Variants in NBPF26 observed in about 807,000 individuals in gnomAD.
NBPF26 encodes NBPF family member NBPF26.
Under a neutral mutation model 119.6 loss-of-function variants are expected in NBPF26, and 79 were observed. The ratio of observed to expected loss-of-function variants is 0.66; its 90% CI spans 0.55 to 0.80. NBPF26 has a LOEUF of 0.80. Among genes scored for constraint, NBPF26 ranks in the 30% least tolerant of loss-of-function variants. The pLI is 0.00. For synonymous variants in NBPF26, 299 were observed against 457.7 expected (o/e 0.65, Z 4.43); for missense variants, 800 against 1,198.2 (o/e 0.67, Z 4.91).
chr1:120,838,533 T>C (rs1652449834), intron 27 of NBPF26, among the ~76,000 whole-genome samples: 2 of 83,420 alleles, frequency 2.4e-5, no homozygotes. Context: ...TGTGTGTGTG[T>C]GTGTGTGTGT....
chr1:120,840,823 A>G, downstream of NBPF26: 2 of 540,854 alleles, frequency 3.7e-6, 1 homozygote, highest in Non-Finnish European at 6.1e-6. Context: ...ACATGCCGGG[A>G]GTGATCAGTC....
In NBPF26 at chr1:120,724,268, G is replaced by A. The variant is rs1456236978; in HGVS notation, c.73+18G>A. On this transcript the variant is annotated intron_variant, in intron 1 of 29. Transcript: ENST00000620612. ...CGCGCATGGTGAGTATCGGGCTGAG[G>A]GGCGCTGTCCGCGGCGCCCGGGGCT... is the stretch of plus-strand genomic sequence containing the variant. 1.0e-5 allele frequency: 14 copies of A among 1,387,894 alleles called. 5 individuals are homozygous for A. In the African/African-American group the frequency reaches 3.7e-4, roughly 37 times the overall value. 86.0% of individuals were successfully genotyped at this position (1,387,894 alleles called of 1,614,324 possible).
Position 120,832,904 on chromosome 1 carries a change from AG to A in NBPF26, c.3293del (p.Arg1098LysfsTer58), listed in dbSNP as rs1234615371. 6 of 803,736 alleles carry A rather than the reference AG, an allele frequency of 7.5e-6. No homozygotes were observed. The highest frequency in any genetic ancestry group is 1.2e-5 in the Non-Finnish European group (6 of 513,156). The allele number at this position is 803,736 out of a possible 1,614,324, so 49.8% of individuals were successfully genotyped here. ...TGAAAAGAAGGGGAAGGGGAAGAAA[AG>A]AAGGGGAAGAAGATCAAAGAAGGAA... On this transcript the variant is annotated frameshift_variant, in exon 23 of 30. Coordinates refer to ENST00000620612, the Ensembl canonical transcript of NBPF26. LOFTEE classifies it high-confidence loss of function.
chr1:120,780,148 A>C (rs1197194440), intron 2 of NBPF26, among the ~76,000 whole-genome samples: 1 of 116,650 alleles, frequency 8.6e-6, no homozygotes, highest in East Asian at 2.1e-4. Context: ...TTAGGTACTC[A>C]GGTATTCAGG....
rs1206855185 is a variant in NBPF26 at position 120,804,472 on chromosome 1, G to T, written c.752-1084G>T. On this transcript the variant is annotated intron_variant, in intron 4 of 29. Transcript: ENST00000620612. The stretch of plus-strand genomic sequence containing the variant: ...AAACCATATTCCATAAGAACTGCTC[G>T]TGGCCCTGTTCTTTTCAGTATATGG... 2.4e-4 allele frequency among the ~76,000 whole-genome samples: 19 copies of T among 79,624 alleles called. 7 individuals carry two copies. Among genetic ancestry groups the T allele is most frequent in the African/African-American group, 2.0e-3 (19 of 9,636 alleles). The allele number at this position is 79,624 out of a possible 152,430, so 52.2% of individuals were successfully genotyped here. A position where few individuals can be genotyped will look rare whatever the true frequency, so the allele number is the denominator to read the frequency against.
intron 2 of NBPF26, among the ~76,000 whole-genome samples, chr1:120,770,178 GT>G (rs1174915535): frequency 3.2e-5 from 3 of 93,592 alleles, no homozygotes; most frequent in African/African-American, 6.5e-5. Flanking sequence ...TTTTGTTGTT[GT>G]TTTTTTTTGA....
chr1:120,816,861 T>G lies in NBPF26; in HGVS notation c.2371+34T>G, dbSNP rs1553271824. The G allele has an allele frequency of 2.8e-6, 4 of 1,451,000 alleles. 1 individual carries two copies. The highest frequency in any genetic ancestry group is 2.3e-5 in the East Asian group (1 of 43,864). The allele number at this position is 1,451,000 out of a possible 1,614,324, so 89.9% of individuals were successfully genotyped here. A position where few individuals can be genotyped will look rare whatever the true frequency, so the allele number is the denominator to read the frequency against. ...TGTTTTCCTTGTGTCTCATACCTCT[T>G]TCTTGGCTGAGGAAGATAAACTCTG... On this transcript the variant is annotated intron_variant, in intron 14 of 29. Coordinates refer to ENST00000620612, the Ensembl canonical transcript of NBPF26.
Position 120,783,830 on chromosome 1 carries a change from T to C in NBPF26, c.156-1144T>C, listed in dbSNP as rs1256071660. Among the ~76,000 whole-genome samples, 5 of 110,724 alleles carry C rather than the reference T, an allele frequency of 4.5e-5. 1 individual carries two copies. The highest frequency in any genetic ancestry group is 8.5e-5 in the Non-Finnish European group (5 of 58,784). The allele number at this position is 110,724 out of a possible 152,430, so 72.6% of individuals were successfully genotyped here. ...GTTTTGAGTTAGACAGAGGGAGTCA[T>C]AGAAGCCAAGGTAAAATGATTAAAA... On this transcript the variant is annotated intron_variant, in intron 2 of 29. Transcript: ENST00000620612.
At chr1:120,833,377 C>A (rs1652402592) in intron 23 of NBPF26, among the ~76,000 whole-genome samples, 1 of 73,960 alleles carries the variant, frequency 1.4e-5, no homozygotes, top group Non-Finnish European at 2.2e-5. Flanking sequence ...CTCTCTGTCT[C>A]TGTCTCTCTC....
At chr1:120,822,900 A>AC (rs1652150287) in intron 16 of NBPF26, among the ~76,000 whole-genome samples, 1 of 122,534 alleles carries the variant, frequency 8.2e-6, no homozygotes, top group Non-Finnish European at 1.6e-5. Context: ...AAGAGCTGGT[A>AC]CATTGCACCC....
At chr1:120,765,177 A>G (rs1408320149) in intron 2 of NBPF26, among the ~76,000 whole-genome samples, 1 of 121,034 alleles carries the variant, frequency 8.3e-6, no homozygotes, top group Admixed American at 7.9e-5. Context: ...AAAAAAAAAC[A>G]TGTGGTGCAT....
rs1553271037 is a variant in NBPF26, at chr1:120,811,951, G to C, written c.1630G>C (p.Glu544Gln). 1.5e-5 allele frequency: 18 copies of C among 1,225,318 alleles called. 4 individuals are homozygous for C. In the South Asian group the frequency reaches 1.9e-4, roughly 13 times the overall value. 75.9% of individuals were successfully genotyped at this position (1,225,318 alleles called of 1,614,324 possible). ...GGTATCAGCCGGCCCTTTGTCCGGC[G>C]AGAAGGCAGCGATAAACATTCTAGA... The change falls in exon 10 of 30, where the codon GAG (glutamate) becomes CAG (glutamine). Residue 544 changes from glutamate to glutamine, a missense_variant. Physicochemically the swap from Glu to Gln is conservative, Grantham distance 29. This residue lies in a region of NBPF26 where 72 missense variants were observed against 81.1 expected (regional missense o/e 0.89). Transcript: ENST00000620612.
rs1651637256 is a variant in NBPF26, at chr1:120,804,723, T to A, written c.752-833T>A. Reference sequence around the variant, plus strand: ...CCACATAGAGGAAGAGCTTTGGACGTAGGGATGTCAAACTGGTCTAGAATG... The same window carrying A: ...CCACATAGAGGAAGAGCTTTGGACGAAGGGATGTCAAACTGGTCTAGAATG... On this transcript the variant is annotated intron_variant, in intron 4 of 29. Transcript: ENST00000620612. Among the ~76,000 whole-genome samples the A allele has an allele frequency of 1.7e-5, 2 of 117,166 alleles. 1 individual carries two copies. Among genetic ancestry groups the A allele is most frequent in the Non-Finnish European group, 3.3e-5 (2 of 60,852 alleles). 76.9% of individuals were successfully genotyped at this position (117,166 alleles called of 152,430 possible).
Position 120,811,776 on chromosome 1 carries a change from C to T in NBPF26, c.1565-110C>T. On this transcript the variant is annotated intron_variant, in intron 9 of 29. Coordinates refer to ENST00000620612, the Ensembl canonical transcript of NBPF26. Reference sequence around the variant, plus strand: ...GATGACAAGAGTGAAACCAGGGAAACATCTTCAAATAAGTAAACAAGGCTA... The same window carrying T: ...GATGACAAGAGTGAAACCAGGGAAATATCTTCAAATAAGTAAACAAGGCTA... 5 of 646,646 alleles carry T rather than the reference C, an allele frequency of 7.7e-6. 1 individual carries two copies. Among genetic ancestry groups the T allele is most frequent in the Non-Finnish European group, 1.4e-5 (5 of 368,888 alleles). The allele number at this position is 646,646 out of a possible 1,614,324, so 40.1% of individuals were successfully genotyped here.
intron 5 of NBPF26, among the ~76,000 whole-genome samples, chr1:120,807,356 C>T (rs1433547189): frequency 1.6e-5 from 2 of 125,036 alleles, no homozygotes; most frequent in Non-Finnish European, 3.2e-5. Flanking sequence ...GACTCCACTT[C>T]GTTGTGGTTG....
rs1553271658 is a variant in NBPF26 at position 120,815,544 on chromosome 1, G to A, written c.2092+501G>A. ...CCAAAATGAGATGAAGTCCCTCGCC[G>A]TGTGATGTTGGAGAAGGCACTTTAT... On this transcript the variant is annotated intron_variant, in intron 12 of 29. Coordinates refer to ENST00000620612, the Ensembl canonical transcript of NBPF26. 4.0e-5 allele frequency among the ~76,000 whole-genome samples: 4 copies of A among 99,526 alleles called. 1 individual carries two copies. The highest frequency in any genetic ancestry group is 7.2e-5 in the African/African-American group (1 of 13,964). The allele number at this position is 99,526 out of a possible 152,430, so 65.3% of individuals were successfully genotyped here.
rs1239825858 is a variant in NBPF26 at position 120,801,401 on chromosome 1, G to T, written c.752-4155G>T. 3.3e-4 allele frequency among the ~76,000 whole-genome samples: 37 copies of T among 113,362 alleles called. 3 individuals carry two copies. In the South Asian group the frequency reaches 5.4e-3, roughly 16 times the overall value. The allele number at this position is 113,362 out of a possible 152,430, so 74.4% of individuals were successfully genotyped here. ...GCAGAACTTTTGGAATATGGTAAAAGACACTGAAATATATGCTTAAAAATG... is the reference window on the plus strand; with the variant it reads ...GCAGAACTTTTGGAATATGGTAAAATACACTGAAATATATGCTTAAAAATG... On this transcript the variant is annotated intron_variant, in intron 4 of 29. Coordinates refer to ENST00000620612, the Ensembl canonical transcript of NBPF26.
chr1:120,780,110 T>C (rs1476305985), intron 2 of NBPF26, among the ~76,000 whole-genome samples: 4 of 123,520 alleles, frequency 3.2e-5, no homozygotes, highest in Middle Eastern at 3.7e-3. Flanking sequence ...AAATTTAGCC[T>C]GCTATGGAAC....
At chr1:120,789,590 C>T (rs1321678715) in intron 3 of NBPF26, among the ~76,000 whole-genome samples, 4 of 91,830 alleles carry the variant, frequency 4.4e-5, no homozygotes, top group Non-Finnish European at 7.8e-5. Flanking sequence ...GATACAGTTA[C>T]CCCACTGGGT....
Sources: allele counts gnomAD v4.1 joint callset (sites outside exome capture counted in the v4.1 genomes callset), GRCh38; gene constraint gnomAD v4.1.1; regional missense constraint gnomAD v4.1.1; transcripts MANE v1.5; gene names NCBI Gene and HGNC (gene_info 2026-07-23, HGNC 2026-07-21).